Variants in PTPN22 observed in about 807,000 individuals in gnomAD.
The protein encoded by PTPN22 is protein tyrosine phosphatase non-receptor type 22, also known as tyrosine-protein phosphatase non-receptor type 22.
PTPN22 carries 85 observed loss-of-function variants against 103.3 expected under a neutral mutation model. That is an observed-to-expected ratio of 0.82 (90% CI 0.69 to 0.99). The LOEUF is 0.99. Ranked by LOEUF, PTPN22 falls within the 50% of genes least tolerant of loss-of-function variation. The probability of loss-of-function intolerance (pLI) is 0.00; values close to 1 mark genes in which losing one functional copy is unlikely to be tolerated. For synonymous variants in PTPN22, 323 were observed against 310.2 expected, an observed-to-expected ratio of 1.04 and a Z score of -0.43; for missense variants, 865 against 936.9, an observed-to-expected ratio of 0.92 and a Z score of 1.00.
In PTPN22 at chr1:113,863,906, A is replaced by AATAT. The variant is rs144077372; in HGVS notation, c.88-4450_88-4447dup. Among the ~76,000 whole-genome samples, 8 of 95,174 alleles carry AATAT rather than the reference A, an allele frequency of 8.4e-5. No individual in the cohort carries two copies. In the South Asian group the frequency reaches 1.2e-3, roughly 14 times the overall value. The allele number at this position is 95,174 out of a possible 152,430, so 62.4% of individuals were successfully genotyped here. ...TTCAATGAATCCTTTATATTTAATAAATATATATATATATATATATATTTT... is the reference window on the plus strand; with the variant it reads ...TTCAATGAATCCTTTATATTTAATAAATATATATATATATATATATATATATTTT... On this transcript the variant is annotated intron_variant, in intron 1 of 20. Coordinates refer to ENST00000359785, the Ensembl canonical transcript of PTPN22.
chr1:113,819,626 C>T (rs767077228), exon 20 of PTPN22: 1 of 1,602,840 alleles, frequency 6.2e-7, no homozygotes, highest in Non-Finnish European at 8.5e-7. Flanking sequence ...ATTCTGCAGG[C>T]TTGTTTGGTG....
intron 10 of PTPN22, among the ~76,000 whole-genome samples, chr1:113,850,262 AAGGAAGGAAG>A (rs1157635932): frequency 8.7e-5 from 13 of 149,482 alleles, no homozygotes; most frequent in African/African-American, 2.7e-4. Flanking sequence ...GGAAGGAAGG[AAGGAAGGAAG>A]GAAAGAAAGG....
rs1396945827 is a variant in PTPN22, at chr1:113,835,485, TCCAGC to T, written c.1811-497_1811-493del. 2.6e-5 allele frequency among the ~76,000 whole-genome samples: 4 copies of T among 152,192 alleles called. No individual in the cohort carries two copies. In the East Asian group the frequency reaches 7.7e-4, roughly 29 times the overall value. On this transcript the variant is annotated intron_variant, in intron 13 of 20. Coordinates refer to ENST00000359785, the Ensembl canonical transcript of PTPN22. ...GTGAGCCGAGATTGCACCACTGCAT[TCCAGC>T]CTGGGTGGCAGCAGGACACTCCGTC...
At chr1:113,858,289 C>T (rs926186730) in intron 4 of PTPN22, among the ~76,000 whole-genome samples, 189 bp downstream of exon 4, 1 of 151,994 alleles carries the variant, frequency 6.6e-6, no homozygotes, top group Non-Finnish European at 1.5e-5. Context: ...AACCCCTAGG[C>T]TCAAGCTATC....
At chr1:113,835,621 A>G (rs1458222111) in intron 13 of PTPN22, among the ~76,000 whole-genome samples, 1 of 152,196 alleles carries the variant, frequency 6.6e-6, no homozygotes, top group East Asian at 1.9e-4. Flanking sequence ...GGAAGCTTTG[A>G]ATTAACTTTT....
At chr1:113,851,154 T>A (rs1421250367) in intron 10 of PTPN22, among the ~76,000 whole-genome samples, 1 of 87,706 alleles carries the variant, frequency 1.1e-5, no homozygotes, top group African/African-American at 4.5e-5. Context: ...AGTGTGATTG[T>A]AATTTTTTTT....
upstream of PTPN22, chr1:113,871,719 G>A (rs772351707): frequency 4.4e-5 from 46 of 1,051,238 alleles, no homozygotes; most frequent in Admixed American, 7.1e-5. Flanking sequence ...CACTGCTGCC[G>A]CCTGAGCAGA....
At chr1:113,848,988 A>C (rs1044791930) in intron 10 of PTPN22, among the ~76,000 whole-genome samples, 1 of 151,996 alleles carries the variant, frequency 6.6e-6, no homozygotes, top group Non-Finnish European at 1.5e-5. Flanking sequence ...TTCATTCTAG[A>C]TGGATTTTTT....
exon 13 of PTPN22, chr1:113,837,630 G>T (rs1363593118): frequency 1.3e-6 from 2 of 1,599,702 alleles, no homozygotes; most frequent in African/African-American, 2.7e-5. Context: ...AGGAAATATT[G>T]GTTGGAGAAT....
At chr1:113,863,384 C>G (rs539327930) in intron 1 of PTPN22, among the ~76,000 whole-genome samples, 2 of 152,206 alleles carry the variant, frequency 1.3e-5, no homozygotes, top group Non-Finnish European at 2.9e-5. Context: ...TGAGCCGCTG[C>G]GCTCAGCCAA....
intron 19 of PTPN22, among the ~76,000 whole-genome samples, chr1:113,824,141 G>A (rs895047232): frequency 6.9e-6 from 1 of 144,254 alleles, no homozygotes; most frequent in African/African-American, 2.6e-5. Flanking sequence ...TCGCTCTGTT[G>A]CCCAGACTGG....
At chr1:113,846,708 A>T (rs1197247515) in intron 11 of PTPN22, among the ~76,000 whole-genome samples, 45 of 152,074 alleles carry the variant, frequency 3.0e-4, no homozygotes, top group Non-Finnish European at 2.9e-5. Context: ...TCAGCCCTGA[A>T]GGATGTTTTC....
chr1:113,837,163 G>A (rs1663086772), intron 13 of PTPN22, among the ~76,000 whole-genome samples: 1 of 151,944 alleles, frequency 6.6e-6, no homozygotes, highest in South Asian at 2.1e-4. Flanking sequence ...AGAAAGAGAA[G>A]GAAGCAGGCT....
intron 18 of PTPN22, among the ~76,000 whole-genome samples, chr1:113,828,796 C>T (rs1034432374): frequency 2.0e-5 from 3 of 152,048 alleles, no homozygotes; most frequent in Admixed American, 6.6e-5. Context: ...GCACCATGCC[C>T]GGCTAATTTT....
intron 2 of PTPN22, 104 bp from the exon 3 acceptor site, chr1:113,859,182 G>C: frequency 6.4e-6 from 10 of 1,560,638 alleles, no homozygotes; most frequent in Non-Finnish European, 8.7e-6. Context: ...GTGAACAAGT[G>C]AGTGAATGAA....
In PTPN22 at chr1:113,833,113, G is replaced by T; in HGVS notation, c.2051C>A (p.Ser684Ter). ...CTAAAGCCAAGAGAAATTTTTACCT[G>T]ATTTAGGACTTCGGAGTTTTACACT... The change falls in exon 16 of 21, where the codon TCA becomes TAA. Residue 684 changes from serine (S) to a stop codon, truncating the protein, a stop_gained and splice_region_variant. Coordinates refer to ENST00000359785, the Ensembl canonical transcript of PTPN22. LOFTEE classifies it high-confidence loss of function. 4 of 1,566,018 alleles carry T rather than the reference G, an allele frequency of 2.6e-6. No individual in the cohort carries two copies. Among genetic ancestry groups the T allele is most frequent in the Middle Eastern group, 1.7e-4 (1 of 5,958 alleles).
chr1:113,864,020 A>G (rs1207997801), intron 1 of PTPN22, among the ~76,000 whole-genome samples: 1 of 151,066 alleles, frequency 6.6e-6, no homozygotes, highest in Non-Finnish European at 1.5e-5. Flanking sequence ...AATCCCAGCT[A>G]CTCGGGAGGC....
chr1:113,837,786 T>A (rs746490636), exon 13 of PTPN22: 1 of 1,613,988 alleles, frequency 6.2e-7, no homozygotes, highest in South Asian at 1.1e-5. Context: ...GAGGCCATGA[T>A]GAAAAATAAG....
upstream of PTPN22, chr1:113,871,745 TG>T: frequency 1.3e-6 from 1 of 799,886 alleles, no homozygotes; most frequent in Non-Finnish European, 2.1e-6. Context: ...CTGAAGGCTG[TG>T]GTTTACTGAC....
Sources: gnomAD v4.1 joint callset for allele counts (sites outside exome capture counted in the v4.1 genomes callset) on GRCh38, gnomAD v4.1.1 for gene constraint, MANE v1.5 for transcripts, NCBI Gene and HGNC (gene_info 2026-07-23, HGNC 2026-07-21) for gene names.